Variants in C1QTNF5 observed in about 807,000 individuals in gnomAD.
The protein encoded by C1QTNF5 is C1q and TNF related 5.
In C1QTNF5, 5 loss-of-function variants were observed where a neutral mutation model predicts 10.9. The observed-to-expected ratio is 0.46, with a 90% CI of 0.24 to 0.97. C1QTNF5 has a LOEUF of 0.97. Ranked by LOEUF, C1QTNF5 falls within the 50% of genes least tolerant of loss-of-function variation. The pLI is 0.19. For missense variants in C1QTNF5, 281 were observed against 339.4 expected, an observed-to-expected ratio of 0.83 and a Z score of 1.35; for synonymous variants, 161 against 156.5, an observed-to-expected ratio of 1.03 and a Z score of -0.22.
upstream of C1QTNF5, chr11:119,342,851 C>T (rs775475230): frequency 5.0e-6 from 8 of 1,612,976 alleles, no homozygotes; most frequent in East Asian, 8.9e-5. Flanking sequence ...CTGCCCCCAC[C>T]CACTTGCCCA....
chr11:119,345,926 G>A (rs1410771895), upstream of C1QTNF5: 1 of 1,613,826 alleles, frequency 6.2e-7, no homozygotes, highest in Non-Finnish European at 8.5e-7. Flanking sequence ...GCAGCCTGCA[G>A]CTCTGGAGGC....
chr11:119,343,757 G>A (rs1245319413), upstream of C1QTNF5: 5 of 1,604,924 alleles, frequency 3.1e-6, no homozygotes, highest in Admixed American at 6.7e-5. Context: ...CGACATGGAA[G>A]CCGGGGGTGG....
chr11:119,344,362 C>G, upstream of C1QTNF5: 2 of 1,613,892 alleles, frequency 1.2e-6, no homozygotes, highest in African/African-American at 1.3e-5. Flanking sequence ...GAGAAAGTGC[C>G]CTGGAGGCCA....
At position 119,340,374 on chromosome 11, in the gene C1QTNF5, C is replaced by T; in HGVS notation, c.24G>A (p.Leu8=). The change falls in exon 2 of 3, where the codon CTG becomes CTA. Residue 8 remains leucine, a synonymous_variant. Transcript: ENST00000528368. MRPLLVL[L]LLGLAAGSPP... is the part of the protein sequence containing the mutation. ...GCGAGCCGGCCGCCAGGCCCAGGAG[C>T]AGCAGGACGAGGAGTGGCCTCATAG... is the stretch of plus-strand genomic sequence containing the variant. The T allele has an allele frequency of 1.3e-6, 2 of 1,545,048 alleles. No homozygotes were observed. The highest frequency in any genetic ancestry group is 1.7e-6 in the Non-Finnish European group (2 of 1,145,918).
At chr11:119,344,971 G>A, upstream of C1QTNF5, 1 of 1,608,306 alleles carries the variant, frequency 6.2e-7, no homozygotes, top group Non-Finnish European at 8.5e-7. Context: ...TGGCATTGGT[G>A]TTGAGCGTGG....
At chr11:119,344,143 A>G (rs1173973872), upstream of C1QTNF5, among the ~76,000 whole-genome samples, 2 of 151,998 alleles carry the variant, frequency 1.3e-5, no homozygotes, top group African/African-American at 4.8e-5. Context: ...CAGTGTGGGA[A>G]CATCTGGGTA....
At chr11:119,343,768 C>G (rs1565293875), upstream of C1QTNF5, 3 of 1,611,432 alleles carry the variant, frequency 1.9e-6, no homozygotes, top group Non-Finnish European at 2.5e-6. Context: ...CCGGGGGTGG[C>G]AGACAGTGAG....
the C1QTNF5 span, chr11:119,346,107 G>A: frequency 3.1e-6 from 5 of 1,607,906 alleles, no homozygotes; most frequent in East Asian, 1.1e-4. Flanking sequence ...AGAGCAGGAG[G>A]ACACAGAGCC....
upstream of C1QTNF5, chr11:119,341,682 G>C: frequency 1.9e-6 from 3 of 1,613,110 alleles, no homozygotes; most frequent in Non-Finnish European, 2.5e-6. Context: ...CGGCAAGGGG[G>C]CAGAACACTG....
At chr11:119,341,966 A>G (rs1473643829), upstream of C1QTNF5, 19 of 1,613,756 alleles carry the variant, frequency 1.2e-5, no homozygotes, top group Non-Finnish European at 1.5e-5. Context: ...CTCCACCTGG[A>G]CAGGCTCACA....
upstream of C1QTNF5, chr11:119,345,846 G>T (rs754723666): frequency 2.5e-6 from 4 of 1,613,832 alleles, no homozygotes; most frequent in Non-Finnish European, 1.7e-6. Context: ...AGGTGGTGAT[G>T]GTGGGGGTGG....
the C1QTNF5 span, chr11:119,346,492 T>G: frequency 6.2e-7 from 1 of 1,614,126 alleles, no homozygotes; most frequent in Non-Finnish European, 8.5e-7. Context: ...ATGCAGAGGA[T>G]GACATCTGAG....
the C1QTNF5 span, chr11:119,346,163 C>T: frequency 6.4e-5 from 102 of 1,585,046 alleles, no homozygotes; most frequent in Non-Finnish European, 8.3e-5. Flanking sequence ...CGCCGACCTG[C>T]GGGTTGGCAG....
chr11:119,340,156 A>G, intron 2 of C1QTNF5, 28 bp downstream of exon 2: 2 of 1,506,554 alleles, frequency 1.3e-6, no homozygotes, highest in Non-Finnish European at 1.8e-6. Context: ...GGACATCGCC[A>G]CCGATAGCCG....
upstream of C1QTNF5, chr11:119,342,058 G>C (rs1235411412): frequency 6.3e-7 from 1 of 1,588,080 alleles, no homozygotes; most frequent in Non-Finnish European, 8.6e-7. Flanking sequence ...TCACCGAATC[G>C]CTCGGTCCTG....
rs1302823974 is a variant in C1QTNF5 at position 119,339,160 on chromosome 11, G to A, written c.*171C>T. 1.1e-5 allele frequency: 8 copies of A among 716,422 alleles called. No homozygotes were observed. The highest frequency in any genetic ancestry group is 2.9e-5 in the Admixed American group (1 of 34,074). The allele number at this position is 716,422 out of a possible 1,614,324, so 44.4% of individuals were successfully genotyped here. A position where few individuals can be genotyped will look rare whatever the true frequency, so the allele number is the denominator to read the frequency against. The stretch of plus-strand genomic sequence containing the variant: ...CTGCCCCATGCTGCCAGACCTGATC[G>A]CAGACAGCCACTGTTCCCATTCCTT... On this transcript the variant is annotated 3_prime_UTR_variant, in exon 3 of 3. Coordinates refer to ENST00000528368, the MANE Select transcript of C1QTNF5 (RefSeq NM_001278431.2). The surrounding 1 kb of genome is among the most constrained non-coding windows in gnomAD (Gnocchi z 5.4).
chr11:119,345,094 C>T, upstream of C1QTNF5: 1 of 1,512,722 alleles, frequency 6.6e-7, no homozygotes. Context: ...CCTATTTTCT[C>T]AACCCCCAAA....
chr11:119,340,180 T>G lies in C1QTNF5; in HGVS notation c.214+4A>C, dbSNP rs908260426. On this transcript the variant is annotated splice_donor_region_variant and intron_variant, in intron 2 of 2. Transcript: ENST00000528368. ...CACCGATAGCCGCGGCGGTGCCTTC[T>G]TACCCGGCCTCCCGCCCTCGCCTTT... 1 of 1,514,368 alleles carries G rather than the reference T, an allele frequency of 6.6e-7. No homozygotes were observed. The highest frequency in any genetic ancestry group is 2.1e-5 in the Admixed American group (1 of 46,592). The allele number at this position is 1,514,368 out of a possible 1,614,324, so 93.8% of individuals were successfully genotyped here.
At chr11:119,341,335 T>C, upstream of C1QTNF5, 1 of 592,042 alleles carries the variant, frequency 1.7e-6, no homozygotes, top group South Asian at 2.0e-5. Flanking sequence ...GTGGGGCCAG[T>C]CAGCAGCCTG....
Sources: allele counts gnomAD v4.1 joint callset (sites outside exome capture counted in the v4.1 genomes callset), GRCh38; gene constraint gnomAD v4.1.1; non-coding constraint Gnocchi (gnomAD v3.1); transcripts MANE v1.5; gene names NCBI Gene and HGNC (gene_info 2026-07-23, HGNC 2026-07-21).